WDR26: variants seen among roughly 807,000 people sequenced by gnomAD.
WDR26 encodes WD repeat domain 26.
WDR26 carries 5 observed loss-of-function variants against 84.1 expected under a neutral mutation model. The observed-to-expected ratio is 0.06, with a 90% CI of 0.03 to 0.13. The LOEUF is 0.13. WDR26 is among the 10% of genes least tolerant of loss of function. WDR26 has a pLI of 1.00. For missense variants in WDR26, 642 were observed against 974.9 expected, an observed-to-expected ratio of 0.66 and a Z score of 4.55; for synonymous variants, 415 against 389.6, an observed-to-expected ratio of 1.07 and a Z score of -0.77.
chr1:224,400,868 A>T, intron 9 of WDR26, 82 bp downstream of exon 9: 1 of 1,555,912 alleles, frequency 6.4e-7, no homozygotes, highest in Non-Finnish European at 8.7e-7. Flanking sequence ...TTTGTAAGAT[A>T]CTGAGTCAAG....
At chr1:224,404,105 C>A (rs1673491303) in intron 8 of WDR26, among the ~76,000 whole-genome samples, 1 of 152,102 alleles carries the variant, frequency 6.6e-6, no homozygotes, top group Admixed American at 6.5e-5. Context: ...TTTAACATTT[C>A]AAAGGTAGGT....
intron 5 of WDR26, among the ~76,000 whole-genome samples, chr1:224,419,070 T>C (rs1673984340): frequency 6.6e-6 from 1 of 152,158 alleles, no homozygotes; most frequent in Non-Finnish European, 1.5e-5. Context: ...GAGAACATCT[T>C]TTACATAAAA....
chr1:224,390,879 ACATT>A (rs1325489168), intron 13 of WDR26, among the ~76,000 whole-genome samples: 3 of 152,200 alleles, frequency 2.0e-5, no homozygotes, highest in Non-Finnish European at 4.4e-5. Context: ...AACATTTTCA[ACATT>A]CATTAGCAGT....
At chr1:224,427,431 T>C in intron 3 of WDR26, among the ~76,000 whole-genome samples, 1 of 152,022 alleles carries the variant, frequency 6.6e-6, no homozygotes. Flanking sequence ...CCCACCAAGA[T>C]CTTGATACAA....
chr1:224,408,402 C>T (rs959444062), intron 7 of WDR26, among the ~76,000 whole-genome samples: 2 of 152,228 alleles, frequency 1.3e-5, no homozygotes, highest in African/African-American at 4.8e-5. Flanking sequence ...AAAGACCTGG[C>T]ACACAACAGG....
At chr1:224,429,631 C>G (rs1230649471) in intron 3 of WDR26, 2 of 152,090 alleles carry the variant, frequency 1.3e-5, no homozygotes, top group Admixed American at 6.6e-5. Context: ...AAGTTGGAAC[C>G]CTTTTCTTTT....
chr1:224,415,338 G>T (rs1170363121), intron 6 of WDR26, among the ~76,000 whole-genome samples: 1 of 152,016 alleles, frequency 6.6e-6, no homozygotes, highest in Non-Finnish European at 1.5e-5. Flanking sequence ...TGGCATTAAG[G>T]TCTAAGGCTC....
At chr1:224,412,263 A>AAT (rs1178250730) in intron 6 of WDR26, among the ~76,000 whole-genome samples, 2 of 152,214 alleles carry the variant, frequency 1.3e-5, no homozygotes, top group Non-Finnish European at 1.5e-5. Context: ...GGAGAAGTGC[A>AAT]ATATATGGCA....
At chr1:224,390,659 T>A (rs1198655853) in intron 13 of WDR26, among the ~76,000 whole-genome samples, 2 of 152,160 alleles carry the variant, frequency 1.3e-5, no homozygotes, top group African/African-American at 4.8e-5. Flanking sequence ...TCATATTCTA[T>A]ACAAAGCAAC....
At chr1:224,394,531 G>T (rs527351773) in intron 12 of WDR26, among the ~76,000 whole-genome samples, 3 of 150,616 alleles carry the variant, frequency 2.0e-5, no homozygotes, top group African/African-American at 7.3e-5. Context: ...TTGAGACGGA[G>T]TCTCACTCTG....
chr1:224,410,748 G>A (rs1673716502), intron 7 of WDR26, among the ~76,000 whole-genome samples: 1 of 141,834 alleles, frequency 7.1e-6, no homozygotes, highest in South Asian at 2.2e-4. Flanking sequence ...CCAGCCTTGA[G>A]TGTGCAGTAT....
In WDR26 at chr1:224,411,667, C is replaced by T; in HGVS notation, c.1320-102G>A. 4 of 1,262,252 alleles carry T rather than the reference C, an allele frequency of 3.2e-6. No individual in the cohort carries two copies. In the South Asian group the frequency reaches 5.1e-5, roughly 16 times the overall value. The allele number at this position is 1,262,252 out of a possible 1,614,324, so 78.2% of individuals were successfully genotyped here. A position where few individuals can be genotyped will look rare whatever the true frequency, so the allele number is the denominator to read the frequency against. On this transcript the variant is annotated intron_variant, in intron 6 of 13. Transcript: ENST00000414423. Reference sequence around the variant, plus strand: ...CAAAACTTCTTTGAAGATCACATCACTAACTTTAAAAATAAGAAGTGAATG... The same window carrying T: ...CAAAACTTCTTTGAAGATCACATCATTAACTTTAAAAATAAGAAGTGAATG...
chr1:224,396,979 G>A (rs371965632), intron 12 of WDR26, among the ~76,000 whole-genome samples: 1 of 152,152 alleles, frequency 6.6e-6, no homozygotes, highest in Non-Finnish European at 1.5e-5. Context: ...GTCTCTCTTT[G>A]TCCCAATCCT....
In WDR26 at chr1:224,434,725, T is replaced by C. The variant is rs1674561203; in HGVS notation, c.-320A>G. 2.0e-6 allele frequency: 2 copies of C among 982,206 alleles called. No homozygotes were observed. Among genetic ancestry groups the C allele is most frequent in the Non-Finnish European group, 2.4e-6 (2 of 827,210 alleles). The allele number at this position is 982,206 out of a possible 1,614,324, so 60.8% of individuals were successfully genotyped here. On this transcript the variant is annotated 5_prime_UTR_variant, in exon 1 of 14. Transcript: ENST00000414423. ...GGCGGCGGGCGGCAGCGGAGGCAGC[T>C]GCCGCCTCTGTCCTCGGATCCGCTC... is the stretch of plus-strand genomic sequence containing the variant.
chr1:224,396,938 A>G (rs951248780), intron 12 of WDR26, among the ~76,000 whole-genome samples: 1 of 152,158 alleles, frequency 6.6e-6, no homozygotes, highest in African/African-American at 2.4e-5. Context: ...ATGAATTTAT[A>G]TGCTTGATGT....
intron 7 of WDR26, 122 bp from the exon 8 acceptor site, chr1:224,404,692 C>A: frequency 1.6e-6 from 2 of 1,214,506 alleles, no homozygotes; most frequent in Non-Finnish European, 2.2e-6. Context: ...ATTTTCAGAC[C>A]AATTTTCCCT....
At position 224,389,615 on chromosome 1, in the gene WDR26, A is replaced by G; in HGVS notation, c.*220T>C. On this transcript the variant is annotated 3_prime_UTR_variant, in exon 14 of 14. Coordinates refer to ENST00000414423, the MANE Select transcript of WDR26 (RefSeq NM_001379403.1). ...TCACAACCGATGGGGGAATAATTCA[A>G]CATGGTGTCCAACAACGTTCTAACG... 1.7e-6 allele frequency: 1 copy of G among 602,812 alleles called. No individual in the cohort carries two copies. 37.3% of individuals were successfully genotyped at this position (602,812 alleles called of 1,614,324 possible).
intron 1 of WDR26, among the ~76,000 whole-genome samples, chr1:224,432,121 T>C (rs1182808316): frequency 5.3e-5 from 8 of 152,194 alleles, no homozygotes; most frequent in Admixed American, 5.2e-4. Context: ...ACATACTACG[T>C]TACATTTTGA....
chr1:224,412,109 G>A (rs1572187351), intron 6 of WDR26, among the ~76,000 whole-genome samples: 2 of 152,276 alleles, frequency 1.3e-5, no homozygotes, highest in South Asian at 4.1e-4. Context: ...ACAACTCTTA[G>A]CCTGAGTTCC....
Sources: gnomAD v4.1 joint callset for allele counts (sites outside exome capture counted in the v4.1 genomes callset) on GRCh38, gnomAD v4.1.1 for gene constraint, MANE v1.5 for transcripts, NCBI Gene and HGNC (gene_info 2026-07-23, HGNC 2026-07-21) for gene names.